Variants in VPS8 observed in about 807,000 individuals in gnomAD.
VPS8 encodes VPS8 subunit of CORVET complex.
In VPS8, 129 loss-of-function variants were observed where a neutral mutation model predicts 216.4. The ratio of observed to expected loss-of-function variants is 0.60; its 90% CI spans 0.52 to 0.69. The LOEUF is 0.69. Among genes scored for constraint, VPS8 ranks in the 30% least tolerant of loss-of-function variants. The probability of loss-of-function intolerance (pLI) is 0.00; values close to 1 mark genes in which losing one functional copy is unlikely to be tolerated. For missense variants in VPS8, 1,531 were observed against 1,683.5 expected (o/e 0.91, Z 1.59); for synonymous variants, 571 against 565.4 (o/e 1.01, Z -0.14).
At chr3:184,868,879 G>T in intron 18 of VPS8, 67 bp from the exon 19 acceptor site, 1 of 1,410,332 alleles carries the variant, frequency 7.1e-7, no homozygotes, top group South Asian at 1.3e-5. Context: ...ATTTTAGGTG[G>T]AATAGGAATT....
chr3:184,872,668 G>A (rs1369173869), intron 21 of VPS8, among the ~76,000 whole-genome samples: 1 of 151,928 alleles, frequency 6.6e-6, no homozygotes, highest in Non-Finnish European at 1.5e-5. Context: ...ACTAATGATT[G>A]GGGAAGTAGA....
intron 47 of VPS8, 135 bp downstream of exon 47, chr3:185,048,694 T>C (rs1577287087): frequency 1.1e-6 from 1 of 887,718 alleles, no homozygotes; most frequent in African/African-American, 1.7e-5. Context: ...TATGGCTACA[T>C]GGACAACAGA....
At chr3:184,905,394 A>C (rs1735307935) in intron 25 of VPS8, among the ~76,000 whole-genome samples, 2 of 152,182 alleles carry the variant, frequency 1.3e-5, no homozygotes, top group Admixed American at 1.3e-4. Context: ...AGTTGTTGAT[A>C]GTATTCCTTT....
chr3:184,844,682 T>A (rs1186885838), intron 8 of VPS8, among the ~76,000 whole-genome samples: 3 of 152,236 alleles, frequency 2.0e-5, no homozygotes, highest in African/African-American at 7.2e-5. Flanking sequence ...TTCTTTGCTA[T>A]TCAGCATATT....
At chr3:184,966,543 C>T (rs1747438817) in intron 38 of VPS8, 128 bp from the exon 39 acceptor site, 2 of 511,562 alleles carry the variant, frequency 3.9e-6, no homozygotes, top group African/African-American at 3.9e-5. Flanking sequence ...CTGACTGACA[C>T]TAAAGGACTG....
chr3:184,894,057 C>T (rs1732869382), intron 22 of VPS8, among the ~76,000 whole-genome samples: 1 of 152,084 alleles, frequency 6.6e-6, no homozygotes, highest in Non-Finnish European at 1.5e-5. Flanking sequence ...TAATTTAAAA[C>T]AATTTTTGTT....
chr3:184,957,801 A>G (rs1282694232), intron 37 of VPS8, among the ~76,000 whole-genome samples: 3 of 152,200 alleles, frequency 2.0e-5, no homozygotes, highest in Admixed American at 2.0e-4. Context: ...TTTAACAAAG[A>G]GCCTTAAATC....
intron 46 of VPS8, among the ~76,000 whole-genome samples, chr3:185,039,922 G>A (rs1170506873): frequency 1.3e-5 from 2 of 152,110 alleles, no homozygotes; most frequent in Non-Finnish European, 2.9e-5. Flanking sequence ...TTAGCAAATT[G>A]TTCCTTATCT....
chr3:184,943,220 G>A (rs1361492337), intron 36 of VPS8, among the ~76,000 whole-genome samples: 2 of 152,054 alleles, frequency 1.3e-5, no homozygotes, highest in African/African-American at 2.4e-5. Flanking sequence ...GTATTGTATG[G>A]CCCCTTTTAC....
At chr3:185,023,828 C>T (rs903877604) in intron 45 of VPS8, among the ~76,000 whole-genome samples, 1 of 152,124 alleles carries the variant, frequency 6.6e-6, no homozygotes, top group African/African-American at 2.4e-5. Flanking sequence ...TATTTCAGCT[C>T]TTCAAATATT....
intron 45 of VPS8, among the ~76,000 whole-genome samples, chr3:185,004,467 G>A (rs543602503): frequency 1.0e-4 from 15 of 149,636 alleles, no homozygotes; most frequent in East Asian, 9.7e-4. Flanking sequence ...GAGGGAGACC[G>A]TGGAAAGAGA....
intron 47 of VPS8, 116 bp from the exon 48 acceptor site, chr3:185,051,760 T>C (rs1398395886): frequency 1.6e-6 from 2 of 1,260,576 alleles, no homozygotes; most frequent in Non-Finnish European, 2.1e-6. Flanking sequence ...AAACCCTGCA[T>C]GTTACTACTC....
At chr3:184,835,123 C>A (rs73051350) in intron 5 of VPS8, among the ~76,000 whole-genome samples, 3,053 of 147,694 alleles carry the variant, frequency 0.021, 45 homozygotes, top group Middle Eastern at 0.035. Flanking sequence ...TGATCAGAAT[C>A]TTTTACAACT....
In VPS8 at chr3:184,966,672, G is replaced by T; in HGVS notation, c.3275G>T (p.Arg1092Ile). The change falls in exon 39 of 48, where the codon AGA (arginine) becomes ATA (isoleucine). Residue 1092 changes from arginine (R) to isoleucine (I), a missense_variant and splice_region_variant. Coordinates refer to ENST00000625842, the MANE Select transcript of VPS8 (RefSeq NM_001009921.3). ...TCCTATGTTCTTTTTATCTCCTAGA[G>T]ACTACAAAGCAAACTTCAAGAGGTA... ...IHGAFLIMLE[R>I]LQSKLQEVTH... The T allele has an allele frequency of 6.3e-7, 1 of 1,586,052 alleles. No individual in the cohort carries two copies. Among genetic ancestry groups the T allele is most frequent in the Non-Finnish European group, 8.6e-7 (1 of 1,162,736 alleles).
At chr3:185,020,704 C>A (rs1399844146) in intron 45 of VPS8, among the ~76,000 whole-genome samples, 2 of 152,280 alleles carry the variant, frequency 1.3e-5, no homozygotes, top group East Asian at 3.9e-4. Flanking sequence ...TTCCTAGGCT[C>A]AAGCCAACCT....
chr3:184,879,363 T>C (rs1032683809), intron 21 of VPS8, among the ~76,000 whole-genome samples: 4 of 152,224 alleles, frequency 2.6e-5, no homozygotes, highest in African/African-American at 9.7e-5. Context: ...TTGTTTTCTT[T>C]TTTTTAATTT....
chr3:184,854,540 G>A (rs1286502596), intron 13 of VPS8, among the ~76,000 whole-genome samples: 4 of 152,092 alleles, frequency 2.6e-5, no homozygotes, highest in Non-Finnish European at 5.9e-5. Context: ...AGCTTCATTC[G>A]TTGCCCTTCT....
rs1214097236 is a variant in VPS8, at chr3:184,842,192, A to AAAAAAAC, written c.536-1042_536-1041insCAAAAAA. On this transcript the variant is annotated intron_variant, in intron 7 of 47. Coordinates refer to ENST00000625842, the MANE Select transcript of VPS8 (RefSeq NM_001009921.3). ...ACAGAGCGAGACTCCGTCTCAAAAA[A>AAAAAAAC]AAAAAAAAAAAAAAAAAGAATATGT... Among the ~76,000 whole-genome samples, 16 of 148,744 alleles carry AAAAAAAC rather than the reference A, an allele frequency of 1.1e-4. No homozygotes were observed. The South Asian group carries it at 1.1e-3, about 10-fold the overall frequency.
rs200409605 is a variant in VPS8, at chr3:185,017,676, G to GT, written c.4003-6658dup. Among the ~76,000 whole-genome samples the GT allele has an allele frequency of 3.3e-3, 504 of 152,332 alleles. 5 individuals carry two copies. The highest frequency in any genetic ancestry group is 0.011 in the African/African-American group (469 of 41,568). On this transcript the variant is annotated intron_variant, in intron 45 of 47. Transcript: ENST00000625842. ...CGCTGGCAAGGGTCCACAGAGCCCT[G>GT]TTGGGACCTTTTGCGGGGGTTCCCA...
Sources: gnomAD v4.1 joint callset for allele counts (sites outside exome capture counted in the v4.1 genomes callset) on GRCh38, gnomAD v4.1.1 for gene constraint, MANE v1.5 for transcripts, NCBI Gene and HGNC (gene_info 2026-07-23, HGNC 2026-07-21) for gene names.